TBC1D22A: variants seen among roughly 807,000 people sequenced by gnomAD.
TBC1D22A encodes the protein TBC1 domain family member 22A, also known as putative GTPase activator.
TBC1D22A carries 38 observed loss-of-function variants against 60.2 expected under a neutral mutation model. The ratio of observed to expected loss-of-function variants is 0.63; its 90% CI spans 0.49 to 0.83. The LOEUF (loss-of-function observed/expected upper bound fraction) is 0.83. Ranked by LOEUF, TBC1D22A falls within the 40% of genes least tolerant of loss-of-function variation. TBC1D22A has a pLI of 0.00. For synonymous variants in TBC1D22A, 302 were observed against 281.7 expected, an observed-to-expected ratio of 1.07 and a Z score of -0.72; for missense variants, 628 against 701.0, an observed-to-expected ratio of 0.90 and a Z score of 1.18.
chr22:46,874,000 C>T (rs184719736), intron 4 of TBC1D22A, among the ~76,000 whole-genome samples: 139 of 152,178 alleles, frequency 9.1e-4, no homozygotes, highest in East Asian at 6.6e-3. Context: ...TTAGTAGAGA[C>T]GGGGTTTCAC....
At chr22:47,008,958 T>C (rs2061669137) in intron 10 of TBC1D22A, among the ~76,000 whole-genome samples, 1 of 152,194 alleles carries the variant, frequency 6.6e-6, no homozygotes, top group Non-Finnish European at 1.5e-5. Context: ...GACTAGTTTG[T>C]GGGTTAGAGG....
chr22:47,128,432 G>A (rs10854833), intron 12 of TBC1D22A, among the ~76,000 whole-genome samples: 89,264 of 136,372 alleles, frequency 0.65, 29,617 homozygotes, highest in Middle Eastern at 0.73. Context: ...TCTGTGTTCC[G>A]TCCCTGGCTT....
intron 1 of TBC1D22A, chr22:46,764,298 T>G (rs952334111): frequency 6.6e-6 from 1 of 152,172 alleles, no homozygotes; most frequent in African/African-American, 2.4e-5. Flanking sequence ...TGAGTGAAGA[T>G]TCTGGAATGG....
chr22:46,906,361 TG>T (rs1208288971), intron 7 of TBC1D22A, among the ~76,000 whole-genome samples: 1 of 152,072 alleles, frequency 6.6e-6, no homozygotes, highest in Admixed American at 6.6e-5. Flanking sequence ...CAGCTCTGTG[TG>T]GTTTGTGGCA....
intron 9 of TBC1D22A, among the ~76,000 whole-genome samples, chr22:46,978,606 T>C (rs928975956): frequency 6.6e-6 from 1 of 152,002 alleles, no homozygotes; most frequent in African/African-American, 2.4e-5. Context: ...AGGAAGCGTG[T>C]TTTTTGTTTG....
chr22:47,011,758 T>C (rs537551986), intron 10 of TBC1D22A, among the ~76,000 whole-genome samples: 48 of 152,316 alleles, frequency 3.2e-4, no homozygotes, highest in African/African-American at 1.0e-3. Context: ...AGCTTTTGTT[T>C]TCCCTGAGGA....
intron 1 of TBC1D22A, chr22:46,789,273 G>A (rs781031105): frequency 9.1e-5 from 30 of 330,252 alleles, no homozygotes; most frequent in Admixed American, 4.4e-4. Flanking sequence ...TTACAGGCAC[G>A]TGCCACCAAG....
At chr22:47,159,573 ACAC>A (rs1025742221) in intron 12 of TBC1D22A, among the ~76,000 whole-genome samples, 1 of 151,702 alleles carries the variant, frequency 6.6e-6, no homozygotes, top group Non-Finnish European at 1.5e-5. Context: ...CACTACACAC[ACAC>A]CACAGTTATG....
At chr22:47,139,110 C>T (rs1202668123) in intron 12 of TBC1D22A, among the ~76,000 whole-genome samples, 2 of 152,246 alleles carry the variant, frequency 1.3e-5, no homozygotes, top group African/African-American at 4.8e-5. Context: ...TTGGCCAAAG[C>T]CCTTCTGAGT....
intron 12 of TBC1D22A, among the ~76,000 whole-genome samples, chr22:47,118,893 T>G (rs2066171120): frequency 6.6e-6 from 1 of 152,240 alleles, no homozygotes; most frequent in Admixed American, 6.5e-5. Context: ...GGCTCACGCC[T>G]GTAATCCCAG....
chr22:47,119,893 C>T lies in TBC1D22A; in HGVS notation c.1425+8290C>T, dbSNP rs773199272. ...GTCGGCCTCTGGTGTCTGTCCAGGGCGCCTCGTTACTGCATCCTTATGTGG... is the reference window on the plus strand; with the variant it reads ...GTCGGCCTCTGGTGTCTGTCCAGGGTGCCTCGTTACTGCATCCTTATGTGG... On this transcript the variant is annotated intron_variant, in intron 12 of 12. Coordinates refer to ENST00000337137, the MANE Select transcript of TBC1D22A (RefSeq NM_014346.5). Among the ~76,000 whole-genome samples the T allele has an allele frequency of 4.6e-4, 70 of 152,278 alleles. 1 individual carries two copies. The highest frequency in any genetic ancestry group is 1.5e-3 in the South Asian group (7 of 4,818).
intron 12 of TBC1D22A, among the ~76,000 whole-genome samples, chr22:47,144,661 C>T (rs1005132177): frequency 6.6e-6 from 1 of 152,242 alleles, no homozygotes; most frequent in East Asian, 1.9e-4. Flanking sequence ...TCAGCACTGG[C>T]GGGACTTCAC....
intron 12 of TBC1D22A, among the ~76,000 whole-genome samples, chr22:47,144,589 C>T (rs913441503): frequency 1.2e-4 from 19 of 152,260 alleles, no homozygotes; most frequent in African/African-American, 4.6e-4. Flanking sequence ...TTAGGGCACA[C>T]TCAGGGGCTC....
rs374266107 is a variant in TBC1D22A at position 46,918,117 on chromosome 22, T to G, written c.1015+5929T>G. Reference sequence around the variant, plus strand: ...GAACACTGAGCGAGGCAAAAACAGCTTAGAACCAGGTATGGAACGCAGTAA... The same window carrying G: ...GAACACTGAGCGAGGCAAAAACAGCGTAGAACCAGGTATGGAACGCAGTAA... On this transcript the variant is annotated intron_variant, in intron 8 of 12. Transcript: ENST00000337137. Among the ~76,000 whole-genome samples, 89 of 152,298 alleles carry G rather than the reference T, an allele frequency of 5.8e-4. 1 individual carries two copies. The highest frequency in any genetic ancestry group is 2.1e-3 in the African/African-American group (87 of 41,568).
chr22:46,791,129 C>T (rs1402900102), intron 1 of TBC1D22A, among the ~76,000 whole-genome samples: 1 of 152,128 alleles, frequency 6.6e-6, no homozygotes, highest in Non-Finnish European at 1.5e-5. Flanking sequence ...TGGCTCACTG[C>T]AACCTCAGCC....
chr22:47,131,321 T>C (rs1039581129), intron 12 of TBC1D22A, among the ~76,000 whole-genome samples: 2 of 152,222 alleles, frequency 1.3e-5, no homozygotes, highest in Non-Finnish European at 2.9e-5. Flanking sequence ...GGCAGTGTCC[T>C]CAGCCAGGTG....
At chr22:46,889,638 G>A (rs914288287) in intron 5 of TBC1D22A, among the ~76,000 whole-genome samples, 2 of 152,188 alleles carry the variant, frequency 1.3e-5, no homozygotes, top group African/African-American at 2.4e-5. Flanking sequence ...TGGTGGATCC[G>A]TTCAACGGAC....
chr22:47,016,025 C>T (rs543492543), intron 10 of TBC1D22A, among the ~76,000 whole-genome samples: 4 of 152,254 alleles, frequency 2.6e-5, no homozygotes, highest in African/African-American at 4.8e-5. Context: ...ATGGCAGAGC[C>T]ACTAAGGATG....
At chr22:47,133,608 C>T (rs1484051178) in intron 12 of TBC1D22A, among the ~76,000 whole-genome samples, 1 of 152,184 alleles carries the variant, frequency 6.6e-6, no homozygotes, top group Non-Finnish European at 1.5e-5. Context: ...TTAGGACTGT[C>T]GTCTGTCCCC....
Sources: gnomAD v4.1 joint callset for allele counts (sites outside exome capture counted in the v4.1 genomes callset) on GRCh38, gnomAD v4.1.1 for gene constraint, MANE v1.5 for transcripts, NCBI Gene and HGNC (gene_info 2026-07-23, HGNC 2026-07-21) for gene names.